The following STAM variants were observed in gnomAD, a reference collection of about 807,000 sequenced individuals.
The protein encoded by STAM is signal transducing adaptor molecule.
Under a neutral mutation model 63.4 loss-of-function variants are expected in STAM, and 16 were observed. The observed-to-expected ratio is 0.25, with a 90% confidence interval of 0.17 to 0.38. The LOEUF is 0.38. Ranked by LOEUF, STAM falls within the 10% of genes least tolerant of loss-of-function variation. The pLI is 1.00. For missense variants in STAM, 636 were observed against 657.1 expected (o/e 0.97, Z 0.35); for synonymous variants, 238 against 223.9 (o/e 1.06, Z -0.56).
chr10:17,679,317 C>T (rs11597115), intron 2 of STAM, among the ~76,000 whole-genome samples: 18,304 of 152,072 alleles, frequency 0.12, 1,206 homozygotes, highest in Middle Eastern at 0.26. Context: ...TAATTGCTAG[C>T]GATGTTGAGC....
rs1159737195 is a variant in STAM at position 17,714,914 on chromosome 10, G to A, written c.*134G>A. ...CAGGTCAACAGGTTCAAATATTCAAGAAGGTAGAACTCTCCTCAATTTACA... is the reference window on the plus strand; with the variant it reads ...CAGGTCAACAGGTTCAAATATTCAAAAAGGTAGAACTCTCCTCAATTTACA... On this transcript the variant is annotated 3_prime_UTR_variant, in exon 14 of 14. Coordinates refer to ENST00000377524, the MANE Select transcript of STAM (RefSeq NM_003473.4). 7 of 883,262 alleles carry A rather than the reference G, an allele frequency of 7.9e-6. No individual in the cohort carries two copies. The highest frequency in any genetic ancestry group is 1.2e-5 in the Non-Finnish European group (7 of 560,734). 54.7% of individuals were successfully genotyped at this position (883,262 alleles called of 1,614,324 possible).
intron 1 of STAM, among the ~76,000 whole-genome samples, chr10:17,657,592 C>T (rs540751771): frequency 5.5e-4 from 84 of 152,242 alleles, no homozygotes; most frequent in African/African-American, 2.0e-3. Flanking sequence ...CCATCTGGGC[C>T]TGTGCTTTCT....
Position 17,707,624 on chromosome 10 carries a change from A to T in STAM, c.1210-1152A>T, listed in dbSNP as rs547381954. Among the ~76,000 whole-genome samples, 8 of 151,990 alleles carry T rather than the reference A, an allele frequency of 5.3e-5. No individual in the cohort carries two copies. In the South Asian group the frequency reaches 1.7e-3, roughly 32 times the overall value. ...CCAGTTTGAGACAAGGAAGCAAAAA[A>T]CCTTCATGTTCAATTTTCGAAGAAT... is the stretch of plus-strand genomic sequence containing the variant. On this transcript the variant is annotated intron_variant, in intron 12 of 13. Coordinates refer to ENST00000377524, the MANE Select transcript of STAM (RefSeq NM_003473.4).
At chr10:17,692,804 G>A (rs565516067) in intron 5 of STAM, among the ~76,000 whole-genome samples, 2 of 151,988 alleles carry the variant, frequency 1.3e-5, no homozygotes, top group Middle Eastern at 3.2e-3. Context: ...AAAAGGAAAT[G>A]ATAACTCTAA....
intron 6 of STAM, 77 bp downstream of exon 6, chr10:17,693,389 A>C: frequency 2.5e-6 from 3 of 1,196,570 alleles, no homozygotes; most frequent in Non-Finnish European, 3.5e-6. Context: ...GGTAAAATAA[A>C]TAGAACTTTA....
At chr10:17,686,554 G>T (rs972060052) in intron 4 of STAM, among the ~76,000 whole-genome samples, 38 of 151,948 alleles carry the variant, frequency 2.5e-4, no homozygotes, top group African/African-American at 9.2e-4. Flanking sequence ...TTTTTGTAGT[G>T]TTAGCAGAGA....
intron 4 of STAM, among the ~76,000 whole-genome samples, chr10:17,687,500 CA>C (rs11338233): frequency 0.57 from 85,783 of 150,186 alleles, 24,545 homozygotes; most frequent in Admixed American, 0.63. Context: ...AAAAACAAAC[CA>C]AAAAAAAAGA....
intron 2 of STAM, among the ~76,000 whole-genome samples, chr10:17,667,099 T>C (rs1031202494): frequency 6.6e-6 from 1 of 151,008 alleles, no homozygotes; most frequent in Non-Finnish European, 1.5e-5. Flanking sequence ...TAACTTAAAA[T>C]AGCGGAAGTG....
At chr10:17,663,618 CT>C (rs1834263247) in intron 2 of STAM, among the ~76,000 whole-genome samples, 2 of 151,920 alleles carry the variant, frequency 1.3e-5, no homozygotes, top group Non-Finnish European at 2.9e-5. Flanking sequence ...TTATTGCTCT[CT>C]GGTTCTTTTA....
chr10:17,669,388 A>C (rs1461284707), intron 2 of STAM, among the ~76,000 whole-genome samples: 1 of 144,714 alleles, frequency 6.9e-6, no homozygotes, highest in African/African-American at 2.6e-5. Flanking sequence ...GTTGTTTTAG[A>C]TATTCTTTCC....
intron 2 of STAM, among the ~76,000 whole-genome samples, chr10:17,681,174 G>T (rs1835070882): frequency 6.8e-6 from 1 of 148,118 alleles, no homozygotes; most frequent in South Asian, 2.1e-4. Context: ...ATCCTGATGG[G>T]TGTGAGGTGG....
At chr10:17,706,595 G>A (rs1255483550) in intron 12 of STAM, among the ~76,000 whole-genome samples, 2 of 151,966 alleles carry the variant, frequency 1.3e-5, no homozygotes, top group African/African-American at 4.8e-5. Context: ...TAGCCAGGTT[G>A]GCCTTGATCT....
intron 1 of STAM, among the ~76,000 whole-genome samples, chr10:17,648,252 G>A (rs1304785597): frequency 6.6e-6 from 1 of 152,184 alleles, no homozygotes. Flanking sequence ...TCAGTGCTCT[G>A]TAAAAACGCA....
rs1223509007 is a variant in STAM at position 17,659,463 on chromosome 10, C to CTTTTTTTTT, written c.41-987_41-979dup. ...GGTATTCCATCTTTATTCTCTTCCT[C>CTTTTTTTTT]TTTTTTTTTTTTTTTTTTTTTTAAA... On this transcript the variant is annotated intron_variant, in intron 1 of 13. Transcript: ENST00000377524. 3.7e-3 allele frequency among the ~76,000 whole-genome samples: 397 copies of CTTTTTTTTT among 107,476 alleles called. 11 individuals are homozygous for CTTTTTTTTT. Among genetic ancestry groups the CTTTTTTTTT allele is most frequent in the African/African-American group, 0.014 (384 of 27,392 alleles). 70.5% of individuals were successfully genotyped at this position (107,476 alleles called of 152,430 possible).
intron 2 of STAM, chr10:17,673,081 A>G (rs189807187): frequency 2.0e-6 from 2 of 977,432 alleles, no homozygotes; most frequent in Non-Finnish European, 1.2e-6. Context: ...TTAAACAGGT[A>G]GGTGATGGAA....
intron 2 of STAM, among the ~76,000 whole-genome samples, chr10:17,666,387 A>ATTTTTTTTTTTTTTTTTTTTTT (rs10673746): frequency 1.2e-5 from 1 of 85,922 alleles, no homozygotes; most frequent in Non-Finnish European, 2.1e-5. Context: ...TTGGCTTTGT[A>ATTTTTTTTTTTTTTTTTTTTTT]TTTTTTTTTT....
chr10:17,677,750 T>G (rs1318429193), intron 2 of STAM, among the ~76,000 whole-genome samples: 2 of 152,232 alleles, frequency 1.3e-5, no homozygotes, highest in African/African-American at 4.8e-5. Context: ...TTTTGTGTGT[T>G]GTTTCTCCCT....
chr10:17,687,222 C>T (rs554698127), intron 4 of STAM, among the ~76,000 whole-genome samples: 3 of 152,246 alleles, frequency 2.0e-5, no homozygotes, highest in East Asian at 3.9e-4. Flanking sequence ...TGCCTGTAAT[C>T]GCAGCACTTT....
At position 17,677,947 on chromosome 10, in the gene STAM, G is replaced by A. The variant is rs369377221; in HGVS notation, c.126-6728G>A. 8.7e-5 allele frequency among the ~76,000 whole-genome samples: 13 copies of A among 149,818 alleles called. No individual in the cohort carries two copies. The East Asian group carries it at 2.6e-3, about 30-fold the overall frequency. On this transcript the variant is annotated intron_variant, in intron 2 of 13. Coordinates refer to ENST00000377524, the MANE Select transcript of STAM (RefSeq NM_003473.4). ...TCCAGGGCTCATTGGAGTTCAAATT[G>A]CCCGATAAAAGTTTTTACTTTTATA...
Sources: allele counts gnomAD v4.1 joint callset (sites outside exome capture counted in the v4.1 genomes callset), GRCh38; gene constraint gnomAD v4.1.1; transcripts MANE v1.5; gene names NCBI Gene and HGNC (gene_info 2026-07-23, HGNC 2026-07-21).